The following LARS2 variants were observed in gnomAD, a reference collection of about 807,000 sequenced individuals.
LARS2 encodes leucine--tRNA ligase, mitochondrial.
LARS2 carries 81 observed loss-of-function variants against 116.6 expected under a neutral mutation model. The observed-to-expected ratio is 0.69, with a 90% CI of 0.58 to 0.84. The LOEUF (loss-of-function observed/expected upper bound fraction) is 0.84. LARS2 is among the 40% of genes least tolerant of loss of function. The pLI is 0.00. For synonymous variants in LARS2, 396 were observed against 407.2 expected, an observed-to-expected ratio of 0.97 and a Z score of 0.33; for missense variants, 968 against 1,114.5, an observed-to-expected ratio of 0.87 and a Z score of 1.87.
At chr3:45,397,268 C>T (rs1306039647) in intron 3 of LARS2, among the ~76,000 whole-genome samples, 4 of 152,116 alleles carry the variant, frequency 2.6e-5, no homozygotes, top group Admixed American at 2.6e-4. Context: ...CTTTTCCACC[C>T]CCAGATGATA....
intron 11 of LARS2, among the ~76,000 whole-genome samples, chr3:45,487,333 A>AT (rs1699832913): frequency 1.3e-5 from 2 of 152,202 alleles, no homozygotes; most frequent in Admixed American, 6.5e-5. Context: ...CATTAGATGC[A>AT]TTTTGTCTAT....
intron 20 of LARS2, among the ~76,000 whole-genome samples, chr3:45,537,811 A>G (rs1168743527): frequency 6.6e-6 from 1 of 152,200 alleles, no homozygotes; most frequent in Non-Finnish European, 1.5e-5. Flanking sequence ...CTGGGGTGCC[A>G]TGGTGACATG....
At chr3:45,534,977 G>A (rs543085123) in intron 20 of LARS2, among the ~76,000 whole-genome samples, 17 of 152,202 alleles carry the variant, frequency 1.1e-4, no homozygotes, top group African/African-American at 3.6e-4. Context: ...GCTTGCCTAG[G>A]GAAATTTTGA....
chr3:45,417,750 A>G lies in LARS2; in HGVS notation c.455+177A>G, dbSNP rs2286906. 2.4e-3 allele frequency among the ~76,000 whole-genome samples: 364 copies of G among 152,330 alleles called. 7 individuals are homozygous for G. The East Asian group carries it at 0.059, about 25-fold the overall frequency. On this transcript the variant is annotated intron_variant, in intron 5 of 21. Coordinates refer to ENST00000645846, the MANE Select transcript of LARS2 (RefSeq NM_015340.4). ...AACATATTGTATTCTTATCTAAGAA[A>G]TATTCAGAGAGGGTTTTGGATATTT...
At chr3:45,464,355 A>G (rs1463213202) in intron 8 of LARS2, among the ~76,000 whole-genome samples, 1 of 151,632 alleles carries the variant, frequency 6.6e-6, no homozygotes, top group Admixed American at 6.6e-5. Context: ...TGGAATGAAG[A>G]CCGTTAGGGG....
At chr3:45,513,721 C>A (rs1274719321) in intron 16 of LARS2, among the ~76,000 whole-genome samples, 1 of 152,134 alleles carries the variant, frequency 6.6e-6, no homozygotes, top group East Asian at 1.9e-4. Flanking sequence ...AGTAAAACAC[C>A]TCCCCCTGAT....
At chr3:45,534,834 T>C (rs1236997828) in intron 20 of LARS2, among the ~76,000 whole-genome samples, 1 of 152,252 alleles carries the variant, frequency 6.6e-6, no homozygotes, top group Non-Finnish European at 1.5e-5. Flanking sequence ...CTTGGCAGTT[T>C]GCAAACAGGA....
intron 21 of LARS2, 88 bp downstream of exon 21, chr3:45,542,044 A>T: frequency 1.3e-6 from 2 of 1,526,060 alleles, no homozygotes; most frequent in Non-Finnish European, 1.8e-6. Flanking sequence ...GAGGTCTATT[A>T]GCAGGCCTTT....
At chr3:45,445,350 T>C (rs947854589) in intron 6 of LARS2, among the ~76,000 whole-genome samples, 1 of 152,250 alleles carries the variant, frequency 6.6e-6, no homozygotes, top group Non-Finnish European at 1.5e-5. Context: ...AAACAAGTTC[T>C]GTGCCATGCT....
intron 13 of LARS2, 120 bp downstream of exon 13, chr3:45,491,920 G>C (rs1559486316): frequency 1.0e-6 from 1 of 984,564 alleles, no homozygotes; most frequent in Non-Finnish European, 1.5e-6. Context: ...CTTCCATGAG[G>C]CTGGAAAGAA....
intron 6 of LARS2, among the ~76,000 whole-genome samples, chr3:45,431,060 A>G (rs1244851601): frequency 1.3e-5 from 2 of 152,132 alleles, no homozygotes; most frequent in Non-Finnish European, 2.9e-5. Flanking sequence ...CCTTATATGA[A>G]GAGACCAGAT....
intron 6 of LARS2, among the ~76,000 whole-genome samples, chr3:45,439,368 C>A: frequency 6.6e-6 from 1 of 151,708 alleles, no homozygotes; most frequent in Admixed American, 6.6e-5. Flanking sequence ...TTACAGGCGC[C>A]CACCACCATG....
intron 19 of LARS2, among the ~76,000 whole-genome samples, chr3:45,520,543 G>A (rs1034313159): frequency 6.6e-6 from 1 of 152,212 alleles, no homozygotes; most frequent in African/African-American, 2.4e-5. Flanking sequence ...TTGAGGCCCA[G>A]GGAAGTTAGA....
At chr3:45,412,062 G>A (rs535000666) in intron 4 of LARS2, among the ~76,000 whole-genome samples, 9 of 152,176 alleles carry the variant, frequency 5.9e-5, no homozygotes, top group Middle Eastern at 3.4e-3. Flanking sequence ...TGCTGTAAAC[G>A]TACCACATTT....
chr3:45,451,460 G>A (rs1196719974), intron 7 of LARS2, among the ~76,000 whole-genome samples: 1 of 151,980 alleles, frequency 6.6e-6, no homozygotes, highest in Non-Finnish European at 1.5e-5. Context: ...TAAAGAGACT[G>A]TCTTTTCCCC....
intron 15 of LARS2, among the ~76,000 whole-genome samples, chr3:45,507,556 G>A (rs944075528): frequency 4.6e-5 from 7 of 152,094 alleles, no homozygotes; most frequent in Non-Finnish European, 8.8e-5. Flanking sequence ...CCAAAATGCT[G>A]AGACAGGGTA....
Position 45,548,644 on chromosome 3 carries a change from A to G in LARS2, c.*1114A>G, listed in dbSNP as rs1479763089. ...GTGAAGTCAGCAATTAAGTGTTCCC[A>G]CTAGAACTGACCTAAGCCACTGATT... On this transcript the variant is annotated 3_prime_UTR_variant, in exon 22 of 22. Coordinates refer to ENST00000645846, the MANE Select transcript of LARS2 (RefSeq NM_015340.4). The G allele has an allele frequency of 6.6e-6, 1 of 152,244 alleles. No homozygotes were observed. The highest frequency in any genetic ancestry group is 1.5e-5 in the Non-Finnish European group (1 of 68,042). 9.4% of individuals were successfully genotyped at this position (152,244 alleles called of 1,614,324 possible).
At chr3:45,504,928 G>T (rs1353090906) in intron 15 of LARS2, among the ~76,000 whole-genome samples, 1 of 151,318 alleles carries the variant, frequency 6.6e-6, no homozygotes, top group Non-Finnish European at 1.5e-5. Context: ...AAAAATACAA[G>T]AATTAGCCGA....
intron 18 of LARS2, among the ~76,000 whole-genome samples, chr3:45,519,109 A>G (rs1048350889): frequency 6.6e-6 from 1 of 152,214 alleles, no homozygotes; most frequent in Admixed American, 6.5e-5. Flanking sequence ...ACTTTTCTGT[A>G]TTCTTGCCTA....
Sources: gnomAD v4.1 joint callset for allele counts (sites outside exome capture counted in the v4.1 genomes callset) on GRCh38, gnomAD v4.1.1 for gene constraint, MANE v1.5 for transcripts, NCBI Gene and HGNC (gene_info 2026-07-23, HGNC 2026-07-21) for gene names.